Variants in NELL1 observed in about 807,000 individuals in gnomAD.
The protein encoded by NELL1 is neural EGFL like 1, also known as protein kinase C-binding protein NELL1.
A neutral mutation model predicts 107.4 loss-of-function variants in NELL1; 76 were observed. The observed-to-expected ratio is 0.71, with a 90% CI of 0.59 to 0.86. The LOEUF (loss-of-function observed/expected upper bound fraction) is 0.86. NELL1 is among the 40% of genes least tolerant of loss of function. NELL1 has a pLI of 0.00. For synonymous variants in NELL1, 353 were observed against 341.2 expected (o/e 1.03, Z -0.38); for missense variants, 1,024 against 1,005.5 (o/e 1.02, Z -0.25).
At chr11:21,457,966 C>A (rs1853791577) in intron 15 of NELL1, among the ~76,000 whole-genome samples, 2 of 152,032 alleles carry the variant, frequency 1.3e-5, no homozygotes, top group Admixed American at 1.3e-4. Context: ...TCAGAGGTGA[C>A]ATTTGATAAG....
At chr11:20,921,798 G>GT (rs754194719) in intron 7 of NELL1, among the ~76,000 whole-genome samples, 20,685 of 145,430 alleles carry the variant, frequency 0.14, 2,631 homozygotes, top group African/African-American at 0.35. Flanking sequence ...TATTGTGTGT[G>GT]TTTTTTTTTT....
At chr11:20,725,546 T>C (rs963953507) in intron 2 of NELL1, among the ~76,000 whole-genome samples, 1 of 152,116 alleles carries the variant, frequency 6.6e-6, no homozygotes, top group African/African-American at 2.4e-5. Context: ...GCAAAGAAAA[T>C]GCATGAATCT....
At chr11:21,497,200 T>C (rs1855004213) in intron 15 of NELL1, among the ~76,000 whole-genome samples, 1 of 150,852 alleles carries the variant, frequency 6.6e-6, no homozygotes, top group Non-Finnish European at 1.5e-5. Flanking sequence ...GAGATATACC[T>C]AATGTAAATG....
chr11:20,969,167 T>C (rs1006544847), intron 12 of NELL1, among the ~76,000 whole-genome samples: 6 of 152,168 alleles, frequency 3.9e-5, no homozygotes, highest in Middle Eastern at 6.3e-3. Context: ...CCATGCCCTT[T>C]TCACTTTCCT....
chr11:20,900,487 C>T (rs1826270818), intron 5 of NELL1, among the ~76,000 whole-genome samples: 1 of 152,090 alleles, frequency 6.6e-6, no homozygotes, highest in African/African-American at 2.4e-5. Context: ...CATGTCCCTC[C>T]ACCAAATAAC....
At chr11:21,247,872 G>GAATTTTTCAGCTCCATTAT (rs560980205) in intron 14 of NELL1, among the ~76,000 whole-genome samples, 161 of 152,256 alleles carry the variant, frequency 1.1e-3, no homozygotes, top group African/African-American at 3.4e-3. Context: ...TGACCAATAG[G>GAATTTTTCAGCTCCATTAT]AATTTTTCAG....
intron 12 of NELL1, among the ~76,000 whole-genome samples, chr11:21,010,032 G>A (rs887267011): frequency 6.7e-6 from 1 of 149,538 alleles, no homozygotes; most frequent in Non-Finnish European, 1.5e-5. Context: ...CTTAACCCAG[G>A]AATGGTGGTG....
chr11:20,953,019 T>A lies in NELL1; in HGVS notation c.1171+5584T>A, dbSNP rs1377400327. On this transcript the variant is annotated intron_variant, in intron 11 of 19. Transcript: ENST00000357134. Reference sequence around the variant, plus strand: ...CAGGCTTCTCCTGTGTTATGTGTATTGATTGTGGAGTACATAAAGGCATCC... The same window carrying A: ...CAGGCTTCTCCTGTGTTATGTGTATAGATTGTGGAGTACATAAAGGCATCC... Among the ~76,000 whole-genome samples the A allele has an allele frequency of 2.6e-5, 4 of 152,300 alleles. No homozygotes were observed. In the East Asian group the frequency reaches 7.7e-4, roughly 29 times the overall value.
At chr11:20,839,790 T>C (rs1848590715) in intron 3 of NELL1, among the ~76,000 whole-genome samples, 1 of 152,180 alleles carries the variant, frequency 6.6e-6, no homozygotes, top group Non-Finnish European at 1.5e-5. Flanking sequence ...TATATTCTGT[T>C]TCCATATTGC....
At chr11:21,085,647 C>T (rs1327593958) in intron 12 of NELL1, among the ~76,000 whole-genome samples, 1 of 151,644 alleles carries the variant, frequency 6.6e-6, no homozygotes, top group African/African-American at 2.4e-5. Context: ...AACCAAAAAA[C>T]AAAAAACGAT....
intron 15 of NELL1, among the ~76,000 whole-genome samples, chr11:21,528,514 C>CG: frequency 2.6e-5 from 1 of 38,754 alleles, no homozygotes; most frequent in Non-Finnish European, 6.8e-5. Context: ...CATACCCACC[C>CG]CCCCCCCCTT....
intron 12 of NELL1, among the ~76,000 whole-genome samples, chr11:21,108,969 C>T (rs1391177289): frequency 2.6e-5 from 4 of 152,066 alleles, no homozygotes; most frequent in Non-Finnish European, 5.9e-5. Flanking sequence ...ATAATCATAG[C>T]ATCAAAATGT....
chr11:21,425,874 G>A (rs1342220822), intron 15 of NELL1, among the ~76,000 whole-genome samples: 1 of 152,124 alleles, frequency 6.6e-6, no homozygotes, highest in Admixed American at 6.6e-5. Flanking sequence ...AAACAAGGGA[G>A]ACAATAGAAA....
chr11:20,865,223 C>T (rs1481468268), intron 4 of NELL1, among the ~76,000 whole-genome samples: 1 of 152,176 alleles, frequency 6.6e-6, no homozygotes, highest in African/African-American at 2.4e-5. Context: ...GCAGGATCCA[C>T]GAAGCTGTTA....
chr11:20,965,814 G>T (rs185969797), intron 12 of NELL1, among the ~76,000 whole-genome samples: 2 of 152,116 alleles, frequency 1.3e-5, no homozygotes, highest in South Asian at 2.1e-4. Flanking sequence ...CAAACAGAAC[G>T]CAGCCCACAG....
chr11:21,177,413 C>G (rs760551214), intron 13 of NELL1, among the ~76,000 whole-genome samples: 2 of 151,742 alleles, frequency 1.3e-5, no homozygotes, highest in African/African-American at 2.4e-5. Context: ...CATCTAGCTT[C>G]ATCCATGTTG....
At chr11:21,568,190 T>C (rs79560665) in intron 17 of NELL1, among the ~76,000 whole-genome samples, 7,414 of 151,910 alleles carry the variant, frequency 0.049, 596 homozygotes, top group African/African-American at 0.17. Flanking sequence ...TGATACTATA[T>C]TTAGTATTGT....
intron 2 of NELL1, among the ~76,000 whole-genome samples, chr11:20,688,656 T>C (rs1854370497): frequency 6.6e-6 from 1 of 152,192 alleles, no homozygotes; most frequent in Non-Finnish European, 1.5e-5. Flanking sequence ...CCTAGATTGA[T>C]TGCATGTCTT....
At chr11:21,397,670 A>G (rs1194701392) in intron 15 of NELL1, among the ~76,000 whole-genome samples, 1 of 151,702 alleles carries the variant, frequency 6.6e-6, no homozygotes, top group Non-Finnish European at 1.5e-5. Flanking sequence ...ATTTAAAATT[A>G]TACCTTGATA....
Sources: gnomAD v4.1 joint callset for allele counts (sites outside exome capture counted in the v4.1 genomes callset) on GRCh38, gnomAD v4.1.1 for gene constraint, MANE v1.5 for transcripts, NCBI Gene and HGNC (gene_info 2026-07-23, HGNC 2026-07-21) for gene names.